SYT16: variants seen among roughly 807,000 people sequenced by gnomAD.
SYT16 encodes synaptotagmin 16.
In SYT16, 42 loss-of-function variants were observed where a neutral mutation model predicts 61.4. That is an observed-to-expected ratio of 0.68 (90% CI 0.53 to 0.89). SYT16 has a LOEUF of 0.89. SYT16 is among the 40% of genes least tolerant of loss of function. The probability of loss-of-function intolerance (pLI) is 0.00; values close to 1 mark genes in which losing one functional copy is unlikely to be tolerated. For synonymous variants in SYT16, 314 were observed against 302.3 expected (o/e 1.04, Z -0.40); for missense variants, 804 against 807.3 (o/e 1.00, Z 0.05).
Position 61,944,076 on chromosome 14 carries a change from C to T in SYT16, c.-324-26056C>T, listed in dbSNP as rs148211093. 4.7e-3 allele frequency among the ~76,000 whole-genome samples: 717 copies of T among 152,214 alleles called. 3 individuals are homozygous for T. The highest frequency in any genetic ancestry group is 0.016 in the African/African-American group (680 of 41,526). On this transcript the variant is annotated intron_variant, in intron 1 of 7. Coordinates refer to ENST00000683842, the MANE Select transcript of SYT16 (RefSeq NM_001367656.1). The stretch of plus-strand genomic sequence containing the variant: ...CAGTGTGCAAAAATCACAAGCATTC[C>T]TTTATACCAATAATAGACAAACAGA...
At chr14:62,091,078 A>C (rs188411491) in intron 7 of SYT16, among the ~76,000 whole-genome samples, 1 of 152,328 alleles carries the variant, frequency 6.6e-6, no homozygotes, top group East Asian at 1.9e-4. Flanking sequence ...GACACAGTCA[A>C]ATCATATCAC....
rs569129464 is a variant in SYT16, at chr14:61,837,772, A to G, written c.-325+24962A>G. On this transcript the variant is annotated intron_variant, in intron 1 of 7. Transcript: ENST00000683842. ...CTTGGATGCTATGCTTCTGGCGTGC[A>G]GAGTCACCCTGCCACCTTGTGGCCA... is the stretch of plus-strand genomic sequence containing the variant. Among the ~76,000 whole-genome samples the G allele has an allele frequency of 3.9e-5, 6 of 152,300 alleles. No homozygotes were observed. The East Asian group carries it at 9.7e-4, about 25-fold the overall frequency.
At chr14:61,956,940 A>T (rs2050900456) in intron 1 of SYT16, among the ~76,000 whole-genome samples, 1 of 151,860 alleles carries the variant, frequency 6.6e-6, no homozygotes, top group Non-Finnish European at 1.5e-5. Flanking sequence ...CCAATTCATG[A>T]TCATGGGATG....
chr14:61,915,610 T>C (rs954718444), intron 1 of SYT16, among the ~76,000 whole-genome samples: 3 of 152,194 alleles, frequency 2.0e-5, no homozygotes, highest in Non-Finnish European at 4.4e-5. Flanking sequence ...TTATTAGGTA[T>C]ACCTTTTTAC....
intron 1 of SYT16, among the ~76,000 whole-genome samples, chr14:61,950,018 C>A (rs773219602): frequency 3.9e-5 from 6 of 152,196 alleles, no homozygotes; most frequent in Non-Finnish European, 5.9e-5. Flanking sequence ...GAGGCTTTGA[C>A]AACTCCCTCT....
At chr14:61,830,064 C>T (rs987596520) in intron 1 of SYT16, among the ~76,000 whole-genome samples, 6 of 152,062 alleles carry the variant, frequency 3.9e-5, no homozygotes, top group Admixed American at 2.0e-4. Flanking sequence ...TTTTTCAGTT[C>T]TATTATTTTC....
chr14:61,992,705 G>A (rs1295728127), intron 2 of SYT16, among the ~76,000 whole-genome samples: 1 of 152,050 alleles, frequency 6.6e-6, no homozygotes, highest in African/African-American at 2.4e-5. Flanking sequence ...TTATCCTATA[G>A]GGTGGGGCTT....
At chr14:62,030,964 T>G (rs1473085785) in intron 3 of SYT16, among the ~76,000 whole-genome samples, 1 of 152,204 alleles carries the variant, frequency 6.6e-6, no homozygotes, top group Non-Finnish European at 1.5e-5. Flanking sequence ...GCCTGCTAAC[T>G]TAGCTGCCTC....
At chr14:62,040,020 G>A (rs531367594) in intron 3 of SYT16, among the ~76,000 whole-genome samples, 2 of 152,014 alleles carry the variant, frequency 1.3e-5, no homozygotes, top group Admixed American at 6.5e-5. Context: ...AGCAATCTTG[G>A]TTCTGCTTTT....
At chr14:61,967,417 T>C (rs1042832841) in intron 1 of SYT16, among the ~76,000 whole-genome samples, 1 of 152,186 alleles carries the variant, frequency 6.6e-6, no homozygotes, top group Non-Finnish European at 1.5e-5. Context: ...AACAGAAATC[T>C]ACTCTCACAG....
At chr14:62,007,089 G>T (rs1048503065) in intron 3 of SYT16, among the ~76,000 whole-genome samples, 1 of 152,192 alleles carries the variant, frequency 6.6e-6, no homozygotes, top group Admixed American at 6.5e-5. Flanking sequence ...ACCCTTTGCA[G>T]ATTGAAGGTA....
At chr14:62,069,898 T>C in intron 4 of SYT16, 83 bp downstream of exon 4, 1 of 1,440,982 alleles carries the variant, frequency 6.9e-7, no homozygotes, top group East Asian at 2.3e-5. Flanking sequence ...CTCTGCACTC[T>C]GCATCTGAGA....
At chr14:61,980,250 A>T (rs1437685222) in intron 2 of SYT16, among the ~76,000 whole-genome samples, 1 of 152,186 alleles carries the variant, frequency 6.6e-6, no homozygotes, top group Non-Finnish European at 1.5e-5. Context: ...CATTTCTCTC[A>T]CTATGGGTTA....
At chr14:62,049,515 C>T (rs1283814453) in intron 3 of SYT16, among the ~76,000 whole-genome samples, 2 of 152,160 alleles carry the variant, frequency 1.3e-5, no homozygotes, top group African/African-American at 4.8e-5. Flanking sequence ...TTGATCCTGT[C>T]ATTATAATGT....
intron 1 of SYT16, among the ~76,000 whole-genome samples, chr14:61,964,900 T>C (rs2051251477): frequency 6.8e-6 from 1 of 147,222 alleles, no homozygotes; most frequent in Non-Finnish European, 1.5e-5. Context: ...ATTTTTAGCT[T>C]TTTTTTTTTT....
chr14:62,043,407 C>CTTTT (rs1203186408), intron 3 of SYT16, among the ~76,000 whole-genome samples: 26 of 122,510 alleles, frequency 2.1e-4, no homozygotes, highest in Non-Finnish European at 3.1e-4. Context: ...ATTTTTCTTT[C>CTTTT]TTTTTTTTTT....
At chr14:61,913,078 C>T (rs1035214534) in intron 1 of SYT16, among the ~76,000 whole-genome samples, 87 of 152,158 alleles carry the variant, frequency 5.7e-4, no homozygotes, top group African/African-American at 2.0e-3. Context: ...CTCCCTATCC[C>T]TCCCTATCCT....
intron 4 of SYT16, among the ~76,000 whole-genome samples, chr14:62,071,137 C>T (rs1250095201): frequency 6.6e-6 from 1 of 152,214 alleles, no homozygotes; most frequent in Non-Finnish European, 1.5e-5. Flanking sequence ...ACCACAACAT[C>T]AGTGGCCGCT....
chr14:61,982,164 T>C (rs1004916400), intron 2 of SYT16, among the ~76,000 whole-genome samples: 2 of 152,198 alleles, frequency 1.3e-5, no homozygotes, highest in African/African-American at 4.8e-5. Flanking sequence ...ATTTTATGAC[T>C]GAGAATTCTA....
Sources: allele counts gnomAD v4.1 joint callset (sites outside exome capture counted in the v4.1 genomes callset), GRCh38; gene constraint gnomAD v4.1.1; transcripts MANE v1.5; gene names NCBI Gene and HGNC (gene_info 2026-07-23, HGNC 2026-07-21).